SIK2: variants seen among roughly 807,000 people sequenced by gnomAD.
SIK2 encodes serine/threonine-protein kinase SIK2.
In SIK2, 29 loss-of-function variants were observed where a neutral mutation model predicts 103.2. The ratio of observed to expected loss-of-function variants is 0.28; its 90% CI spans 0.21 to 0.38. SIK2 has a LOEUF of 0.38. SIK2 is among the 10% of genes least tolerant of loss of function. The probability of loss-of-function intolerance (pLI) is 1.00; values close to 1 mark genes in which losing one functional copy is unlikely to be tolerated. For synonymous variants in SIK2, 412 were observed against 446.1 expected, an observed-to-expected ratio of 0.92 and a Z score of 0.96; for missense variants, 879 against 1,171.0, an observed-to-expected ratio of 0.75 and a Z score of 3.64.
chr11:111,706,460 T>C (rs1943350178), intron 8 of SIK2, among the ~76,000 whole-genome samples: 1 of 152,190 alleles, frequency 6.6e-6, no homozygotes, highest in Admixed American at 6.5e-5. Context: ...TTGACTTTCC[T>C]GTCTACTTCT....
Position 111,678,353 on chromosome 11 carries a change from C to T in SIK2, c.317-9648C>T, listed in dbSNP as rs754266158. Among the ~76,000 whole-genome samples the T allele has an allele frequency of 3.3e-5, 5 of 152,186 alleles. 1 individual carries two copies. Among genetic ancestry groups the T allele is most frequent in the South Asian group, 2.1e-4 (1 of 4,834 alleles). On this transcript the variant is annotated intron_variant, in intron 3 of 14. Transcript: ENST00000304987. ...TTCATGAGGCCAAAGTGCCAAGCATCGTGAGAGACACAAATAAGTCACTCA... is the reference window on the plus strand; with the variant it reads ...TTCATGAGGCCAAAGTGCCAAGCATTGTGAGAGACACAAATAAGTCACTCA...
intron 2 of SIK2, among the ~76,000 whole-genome samples, chr11:111,618,136 A>T (rs552287707): frequency 7.1e-4 from 108 of 152,220 alleles, no homozygotes; most frequent in African/African-American, 2.4e-3. Flanking sequence ...TTAGATTCTC[A>T]TAAGGAGTGT....
rs1441490280 is a variant in SIK2, at chr11:111,715,058, A to G, written c.1266+2683A>G. Reference sequence around the variant, plus strand: ...TTTTAAAGCTTGTGATTGTTACTGTAACCAGAAAACAGGCAGGAAATGAAT... The same window carrying G: ...TTTTAAAGCTTGTGATTGTTACTGTGACCAGAAAACAGGCAGGAAATGAAT... On this transcript the variant is annotated intron_variant, in intron 9 of 14. Coordinates refer to ENST00000304987, the MANE Select transcript of SIK2 (RefSeq NM_015191.3). Among the ~76,000 whole-genome samples, 33 of 152,238 alleles carry G rather than the reference A, an allele frequency of 2.2e-4. 1 individual carries two copies. Among genetic ancestry groups the G allele is most frequent in the Admixed American group, 2.2e-3 (33 of 15,288 alleles).
intron 3 of SIK2, among the ~76,000 whole-genome samples, chr11:111,664,403 G>A (rs1205382321): frequency 1.3e-5 from 2 of 152,096 alleles, no homozygotes; most frequent in African/African-American, 4.8e-5. Context: ...ACCACTTGAG[G>A]TCAGGAGTTG....
In SIK2 at chr11:111,722,748, G is replaced by A. The variant is rs369020379; in HGVS notation, c.2139G>A (p.Gln713=). The A allele has an allele frequency of 1.9e-6, 3 of 1,614,044 alleles. No homozygotes were observed. The highest frequency in any genetic ancestry group is 1.3e-5 in the African/African-American group (1 of 75,062). The part of the protein sequence containing the change: ...EPPRSLEQQL[Q]EHRLQQKRLF... Reference sequence around the variant, plus strand: ...CGCGGAGCCTTGAGCAGCAGCTGCAGGAACATAGGTGAGAAGGGGACTTTG... The same window carrying A: ...CGCGGAGCCTTGAGCAGCAGCTGCAAGAACATAGGTGAGAAGGGGACTTTG... The change falls in exon 14 of 15, where the codon CAG becomes CAA. Residue 713 remains glutamine (Q), a synonymous_variant. Transcript: ENST00000304987. This position sits in a 1 kb window ranked among gnomAD's most constrained non-coding sequence, Gnocchi z 4.4.
intron 4 of SIK2, among the ~76,000 whole-genome samples, chr11:111,700,584 G>C (rs763273772): frequency 2.6e-5 from 4 of 152,134 alleles, no homozygotes; most frequent in Non-Finnish European, 5.9e-5. Context: ...ATACTAGTTG[G>C]GTTGTCCACT....
At chr11:111,716,150 A>G (rs1353990307) in intron 9 of SIK2, among the ~76,000 whole-genome samples, 1 of 152,080 alleles carries the variant, frequency 6.6e-6, no homozygotes, top group Non-Finnish European at 1.5e-5. Flanking sequence ...TTTCCGAATT[A>G]CCCCCTTCAT....
rs78383636 is a variant in SIK2 at position 111,724,074 on chromosome 11, G to A, written c.2726G>A (p.Cys909Tyr). 8 of 1,613,644 alleles carry A rather than the reference G, an allele frequency of 5.0e-6. No homozygotes were observed. The African/African-American group carries it at 8.0e-5, about 16-fold the overall frequency. Residue 909 changes from cysteine (C) to tyrosine (Y), a missense_variant, in exon 15 of 15, where the codon TGT becomes TAT. Physicochemically the swap from Cys to Tyr is radical, Grantham distance 194. Around this residue, in one of 7 missense-constraint regions of SIK2, gnomAD observed 375 missense variants for 416.3 expected, o/e 0.90. Coordinates refer to ENST00000304987, the MANE Select transcript of SIK2 (RefSeq NM_015191.3). ...TCTGAGCTACCTGGACTCTTTGATT[G>A]TGAAATGCTAGACGCTGTGGATCCA... Reference protein sequence around the residue: ...ALSELPGLFDCEMLDAVDPQH... With the variant: ...ALSELPGLFDYEMLDAVDPQH...
intron 1 of SIK2, among the ~76,000 whole-genome samples, chr11:111,613,892 G>A (rs1941764769): frequency 6.6e-6 from 1 of 152,000 alleles, no homozygotes; most frequent in South Asian, 2.1e-4. Context: ...AACAACCTGT[G>A]GACAGCAAGT....
intron 3 of SIK2, among the ~76,000 whole-genome samples, chr11:111,673,179 C>G (rs2135882076): frequency 6.6e-6 from 1 of 152,296 alleles, no homozygotes; most frequent in African/African-American, 2.4e-5. Flanking sequence ...AAACCTTGCT[C>G]AAGACTACCT....
chr11:111,674,594 G>A (rs1942675878), intron 3 of SIK2, among the ~76,000 whole-genome samples: 1 of 152,164 alleles, frequency 6.6e-6, no homozygotes, highest in Non-Finnish European at 1.5e-5. Context: ...TAAAAATAAT[G>A]CATGTATAAT....
intron 3 of SIK2, among the ~76,000 whole-genome samples, chr11:111,656,077 C>T (rs1414004258): frequency 6.6e-6 from 1 of 150,958 alleles, no homozygotes; most frequent in Non-Finnish European, 1.5e-5. Flanking sequence ...GTGGTCCCAG[C>T]TACTCAGGAG....
intron 3 of SIK2, among the ~76,000 whole-genome samples, chr11:111,636,650 T>TA (rs1410316739): frequency 6.6e-6 from 1 of 152,206 alleles, no homozygotes; most frequent in African/African-American, 2.4e-5. Context: ...AAGCCTCTCT[T>TA]ATACATACTT....
Position 111,712,266 on chromosome 11 carries a change from G to T in SIK2, c.1157G>T (p.Arg386Leu). 6.2e-7 allele frequency: 1 copy of T among 1,614,164 alleles called. No individual in the cohort carries two copies. The highest frequency in any genetic ancestry group is 8.5e-7 in the Non-Finnish European group (1 of 1,180,030). The part of the protein sequence containing the change: ...TMHSPNMRLL[R>L]SALLPQASNV... ...CATTCACCGAACATGAGGCTGCTGCGATCTGCCCTCCTCCCCCAGGCATCC... is the reference window on the plus strand; with the variant it reads ...CATTCACCGAACATGAGGCTGCTGCTATCTGCCCTCCTCCCCCAGGCATCC... The change falls in exon 9 of 15, where the codon CGA becomes CTA. Residue 386 changes from arginine to leucine, a missense_variant. Arg to Leu is a moderately radical substitution (Grantham distance 102). Transcript: ENST00000304987.
At chr11:111,641,533 A>G (rs1368424781) in intron 3 of SIK2, among the ~76,000 whole-genome samples, 1 of 152,080 alleles carries the variant, frequency 6.6e-6, no homozygotes, top group Non-Finnish European at 1.5e-5. Flanking sequence ...TGTTTACTTT[A>G]TATTTTCTGC....
At chr11:111,666,121 ACCT>A (rs1942538102) in intron 3 of SIK2, among the ~76,000 whole-genome samples, 1 of 152,184 alleles carries the variant, frequency 6.6e-6, no homozygotes. Flanking sequence ...AAAGGCTGCC[ACCT>A]CTACCTCCCC....
chr11:111,719,691 C>A, intron 9 of SIK2, 84 bp from the exon 10 acceptor site: 1 of 1,359,606 alleles, frequency 7.4e-7, no homozygotes, highest in Non-Finnish European at 1.0e-6. Context: ...TCTAGTTCGC[C>A]ACAAGTCTTG....
chr11:111,613,890 G>A (rs1392474329), intron 1 of SIK2, among the ~76,000 whole-genome samples: 1 of 152,106 alleles, frequency 6.6e-6, no homozygotes, highest in Non-Finnish European at 1.5e-5. Context: ...GAAACAACCT[G>A]TGGACAGCAA....
rs1359728249 is a variant in SIK2 at position 111,705,135 on chromosome 11, C to T, written c.1097C>T (p.Ala366Val). 3 of 1,567,110 alleles carry T rather than the reference C, an allele frequency of 1.9e-6. No individual in the cohort carries two copies. Among genetic ancestry groups the T allele is most frequent in the Non-Finnish European group, 1.7e-6 (2 of 1,165,436 alleles). The part of the protein sequence containing the change: ...RPSTIAEQTV[A>V]KAQTVGLPVT... ...AGCACCATTGCTGAGCAAACAGTTG[C>T]CAAGGTAATGCCCCCTTAGCTGAGA... Residue 366 changes from alanine to valine, a missense_variant, in exon 8 of 15, where the codon GCC becomes GTC. By Grantham distance (64) the Ala-to-Val change is moderately conservative (BLOSUM62 0). This residue lies in a region of SIK2 where 222 missense variants were observed against 258.0 expected (regional missense o/e 0.86). Coordinates refer to ENST00000304987, the MANE Select transcript of SIK2 (RefSeq NM_015191.3). This position sits in a 1 kb window ranked among gnomAD's most constrained non-coding sequence, Gnocchi z 4.3.
Sources: gnomAD v4.1 joint callset for allele counts (sites outside exome capture counted in the v4.1 genomes callset) on GRCh38, gnomAD v4.1.1 for gene constraint, gnomAD v4.1.1 regional missense constraint, Gnocchi (gnomAD v3.1) non-coding constraint, MANE v1.5 for transcripts, NCBI Gene and HGNC (gene_info 2026-07-23, HGNC 2026-07-21) for gene names.